Variants in SHC4 observed in about 807,000 individuals in gnomAD.
SHC4 encodes the protein SHC adaptor protein 4.
In SHC4, 41 loss-of-function variants were observed where a neutral mutation model predicts 69.4. The observed-to-expected ratio is 0.59, with a 90% CI of 0.46 to 0.77. The LOEUF (loss-of-function observed/expected upper bound fraction) is 0.77, where lower values mean the gene tolerates loss of function less well. Ranked by LOEUF, SHC4 falls within the 30% of genes least tolerant of loss-of-function variation. The pLI is 0.00. For missense variants in SHC4, 777 were observed against 783.8 expected (o/e 0.99, Z 0.10); for synonymous variants, 318 against 299.3 (o/e 1.06, Z -0.64).
chr15:48,888,020 T>C (rs543322278), intron 3 of SHC4, among the ~76,000 whole-genome samples: 220 of 152,300 alleles, frequency 1.4e-3, no homozygotes, highest in African/African-American at 5.1e-3. Context: ...TTGGTGGGAA[T>C]GTAAAATGAT....
At position 48,962,880 on chromosome 15, in the gene SHC4, A is replaced by G. The variant is rs1160877567; in HGVS notation, c.136T>C (p.Ser46Pro). ...CCCTTGTTCCCGACCGAGCCTCCGG[A>G]GCTACCTTCGTCCAAGGACGTGATC... ...ESITSLDEGS[S>P]GGSVGNKGSP... is the part of the protein sequence containing the mutation. Residue 46 changes from serine (S) to proline (P), a missense_variant, in exon 1 of 12, where the codon TCC (serine) becomes CCC (proline). Ser to Pro is a moderately conservative substitution (Grantham distance 74). Transcript: ENST00000332408. 3 of 1,613,182 alleles carry G rather than the reference A, an allele frequency of 1.9e-6. No individual in the cohort carries two copies. The highest frequency in any genetic ancestry group is 1.7e-5 in the Admixed American group (1 of 59,992).
chr15:48,960,924 C>T (rs975116932), intron 1 of SHC4, among the ~76,000 whole-genome samples: 6 of 152,032 alleles, frequency 3.9e-5, no homozygotes, highest in African/African-American at 1.2e-4. Flanking sequence ...CAATCACAAC[C>T]CCAATAAACA....
chr15:48,873,471 G>A (rs532601275), intron 4 of SHC4, among the ~76,000 whole-genome samples: 5 of 152,336 alleles, frequency 3.3e-5, no homozygotes, highest in African/African-American at 9.6e-5. Flanking sequence ...TCGGCCGGGC[G>A]CAGTGGCTCA....
chr15:48,833,125 A>T (rs1431546456), intron 11 of SHC4, among the ~76,000 whole-genome samples: 1 of 152,114 alleles, frequency 6.6e-6, no homozygotes, highest in East Asian at 1.9e-4. Context: ...GGATCTATGC[A>T]TTTGAAAAAC....
chr15:48,856,097 G>C lies in SHC4; in HGVS notation c.1098C>G (p.Ala366=), dbSNP rs370110466. ...ESEEVHIDSH[A]EEREDHEYYN... ...AATATTCATGATCTTCTCTCTCCTC[G>C]GCATGGCTATCAATATGCACCTCCT... The change falls in exon 8 of 12, where the codon GCC becomes GCG. Residue 366 remains alanine, a synonymous_variant. Transcript: ENST00000332408. 7 of 1,613,112 alleles carry C rather than the reference G, an allele frequency of 4.3e-6. No individual in the cohort carries two copies. Among genetic ancestry groups the C allele is most frequent in the East Asian group, 2.2e-5 (1 of 44,870 alleles).
intron 3 of SHC4, among the ~76,000 whole-genome samples, chr15:48,884,685 T>C (rs113362525): frequency 2.6e-5 from 4 of 152,266 alleles, no homozygotes; most frequent in African/African-American, 9.6e-5. Flanking sequence ...GCTGAACTCT[T>C]GAGTCCTTTT....
chr15:48,843,515 GA>G lies in SHC4; in HGVS notation c.1376del (p.Leu459ProfsTer73). The stretch of plus-strand genomic sequence containing the variant: ...TATTAATGTAGCAGGGGTCATCAAA[GA>G]GATCCACTCGGCACGTGTGCTTCAA... ...SLLKHTCRVDLFDDPCYINTQ... is the reference protein window; with the variant it reads ...SLLKHTCRVDXFDDPCYINTQ... On this transcript the variant is annotated frameshift_variant, in exon 10 of 12. Coordinates refer to ENST00000332408, the MANE Select transcript of SHC4 (RefSeq NM_203349.4). LOFTEE classifies it high-confidence loss of function. The G allele has an allele frequency of 6.2e-7, 1 of 1,614,216 alleles. No homozygotes were observed. Among genetic ancestry groups the G allele is most frequent in the Non-Finnish European group, 8.5e-7 (1 of 1,180,032 alleles).
intron 2 of SHC4, among the ~76,000 whole-genome samples, chr15:48,903,643 C>A (rs1900354016): frequency 1.3e-5 from 2 of 152,172 alleles, no homozygotes; most frequent in Non-Finnish European, 2.9e-5. Context: ...CACATGCAGG[C>A]CTCAAAGTGC....
intron 2 of SHC4, among the ~76,000 whole-genome samples, chr15:48,899,632 T>C (rs1400315204): frequency 6.6e-6 from 1 of 152,042 alleles, no homozygotes; most frequent in Non-Finnish European, 1.5e-5. Context: ...TTGGCAAATA[T>C]GTTGTAAATT....
At chr15:48,843,621 T>C (rs1899034029) in intron 9 of SHC4, 33 bp from the exon 10 acceptor site, 3 of 1,566,220 alleles carry the variant, frequency 1.9e-6, no homozygotes, top group East Asian at 2.3e-5. Context: ...ATACATTATG[T>C]TTTTTCTTTG....
At chr15:48,910,530 A>T (rs1393808852) in intron 2 of SHC4, among the ~76,000 whole-genome samples, 1 of 151,476 alleles carries the variant, frequency 6.6e-6, no homozygotes, top group East Asian at 1.9e-4. Context: ...TATCTTTTGT[A>T]TTGGTTTTTT....
At chr15:48,835,798 A>T (rs1226839715) in intron 10 of SHC4, among the ~76,000 whole-genome samples, 1 of 152,162 alleles carries the variant, frequency 6.6e-6, no homozygotes, top group African/African-American at 2.4e-5. Context: ...CGTAGTTCTC[A>T]TTTATCAAGT....
intron 4 of SHC4, among the ~76,000 whole-genome samples, chr15:48,872,414 C>A (rs533078245): frequency 2.4e-4 from 36 of 152,254 alleles, no homozygotes; most frequent in African/African-American, 8.7e-4. Flanking sequence ...TACAGCAGAG[C>A]CAATCAATGT....
chr15:48,900,587 A>G (rs1012662527), intron 2 of SHC4, among the ~76,000 whole-genome samples: 3 of 152,084 alleles, frequency 2.0e-5, no homozygotes, highest in Non-Finnish European at 2.9e-5. Flanking sequence ...CTTTGCTTAC[A>G]TCACCCTTTG....
In SHC4 at chr15:48,856,572, A is replaced by G. The variant is rs373452789; in HGVS notation, c.1071-448T>C. On this transcript the variant is annotated intron_variant, in intron 7 of 11. Coordinates refer to ENST00000332408, the MANE Select transcript of SHC4 (RefSeq NM_203349.4). ...TGTCCCAGTTTATTAAACCAAAATG[A>G]AAAAAAAAATAAGAGAGCTATGGCC... Among the ~76,000 whole-genome samples, 15 of 149,816 alleles carry G rather than the reference A, an allele frequency of 1.0e-4. No homozygotes were observed. In the East Asian group the frequency reaches 2.5e-3, roughly 25 times the overall value.
chr15:48,859,343 G>A (rs1490044242), intron 6 of SHC4, among the ~76,000 whole-genome samples: 2 of 147,226 alleles, frequency 1.4e-5, no homozygotes, highest in African/African-American at 5.0e-5. Context: ...GTGTGTGTGT[G>A]ATGGTGGTGT....
At chr15:48,938,463 C>T (rs941539954) in intron 1 of SHC4, 6 of 152,180 alleles carry the variant, frequency 3.9e-5, no homozygotes, top group African/African-American at 1.4e-4. Context: ...TCACTCCTTT[C>T]TTTTGTATTG....
At chr15:48,913,791 A>G (rs911867171) in intron 2 of SHC4, among the ~76,000 whole-genome samples, 2 of 151,832 alleles carry the variant, frequency 1.3e-5, no homozygotes, top group Non-Finnish European at 2.9e-5. Flanking sequence ...TGCTTCCTCT[A>G]CCCTTGGATT....
chr15:48,868,501 G>A (rs111405265), intron 5 of SHC4, among the ~76,000 whole-genome samples: 2,437 of 152,278 alleles, frequency 0.016, 26 homozygotes, highest in Non-Finnish European at 0.025. Flanking sequence ...TGCTGACTTC[G>A]TAAAAACAAA....
Sources: gnomAD v4.1 joint callset for allele counts (sites outside exome capture counted in the v4.1 genomes callset) on GRCh38, gnomAD v4.1.1 for gene constraint, MANE v1.5 for transcripts, NCBI Gene and HGNC (gene_info 2026-07-23, HGNC 2026-07-21) for gene names.